Variants in TEPSIN observed in about 807,000 individuals in gnomAD.
TEPSIN encodes TEPSIN adaptor related protein complex 4 accessory protein, also known as AP-4 complex accessory subunit tepsin.
In TEPSIN, 50 loss-of-function variants were observed where a neutral mutation model predicts 48.5. The ratio of observed to expected loss-of-function variants is 1.03; its 90% confidence interval spans 0.82 to 1.31. The LOEUF is 1.31. Ranked by LOEUF, TEPSIN falls within the 50% of genes most tolerant of loss-of-function variation. The pLI is 0.00. For missense variants in TEPSIN, 838 were observed against 815.9 expected (o/e 1.03, Z -0.33); for synonymous variants, 392 against 358.8 (o/e 1.09, Z -1.05).
In TEPSIN at chr17:81,232,513, C is replaced by G. The variant is rs1285114212; in HGVS notation, c.532G>C (p.Ala178Pro). 2 of 1,530,528 alleles carry G rather than the reference C, an allele frequency of 1.3e-6. No individual in the cohort carries two copies. The highest frequency in any genetic ancestry group is 1.7e-6 in the Non-Finnish European group (2 of 1,144,104). 94.8% of individuals were successfully genotyped at this position (1,530,528 alleles called of 1,614,324 possible). A position where few individuals can be genotyped will look rare whatever the true frequency, so the allele number is the denominator to read the frequency against. Residue 178 changes from alanine (A) to proline (P), a missense_variant, in exon 8 of 13, where the codon GCA becomes CCA. Transcript: ENST00000637944. The stretch of plus-strand genomic sequence containing the variant: ...ATGGTGGAGAGGAAGGCTTCGCCTG[C>G]CGAGCCTGTACCCGAGGAGAGGGAG... ...YSKEHGRTGS[A>P]GEAFLSTIQK...
rs1308818897 is a variant in TEPSIN, at chr17:81,228,910, C to A, written c.*18G>T. ...AGACAGCAGCTGAAGCTGAAGACTC[C>A]AGGGCCAGGCCATCGGGTCAGGCGT... On this transcript the variant is annotated 3_prime_UTR_variant, in exon 13 of 13. Transcript: ENST00000637944. 1.6e-5 allele frequency: 26 copies of A among 1,611,984 alleles called. No individual in the cohort carries two copies. The highest frequency in any genetic ancestry group is 2.0e-5 in the Non-Finnish European group (24 of 1,179,918).
intron 1 of TEPSIN, 88 bp downstream of exon 1, chr17:81,238,898 C>A: frequency 1.5e-6 from 2 of 1,376,702 alleles, no homozygotes; most frequent in South Asian, 1.6e-5. Flanking sequence ...GACGCAAGGT[C>A]AATGGCTCCG....
In TEPSIN at chr17:81,228,529, G is replaced by C. The variant is rs1048775; in HGVS notation, c.*399C>G. ...GCACCAAACCCAGCCTCAGCACCTA[G>C]CCCACCCCGATGGGACGGGGGAGCA... is the stretch of plus-strand genomic sequence containing the variant. On this transcript the variant is annotated 3_prime_UTR_variant, in exon 13 of 13. Coordinates refer to ENST00000637944, the MANE Select transcript of TEPSIN (RefSeq NM_001363764.2). The C allele has an allele frequency of 0.47, 141,200 of 297,540 alleles. 36,664 individuals are homozygous for C. Among genetic ancestry groups the C allele is most frequent in the East Asian group, 0.71 (5,094 of 7,176 alleles). The allele number at this position is 297,540 out of a possible 1,614,324, so 18.4% of individuals were successfully genotyped here. A position where few individuals can be genotyped will look rare whatever the true frequency, so the allele number is the denominator to read the frequency against.
At chr17:81,236,841 C>G in intron 3 of TEPSIN, 40 bp from the exon 4 acceptor site, 1 of 1,549,012 alleles carries the variant, frequency 6.5e-7, no homozygotes, top group Non-Finnish European at 8.7e-7. Context: ...GCAGGCCGGA[C>G]ACGGGACACC....
Position 81,230,757 on chromosome 17 carries a change from C to T in TEPSIN, c.1099-79G>A, listed in dbSNP as rs2062578980. On this transcript the variant is annotated intron_variant, in intron 11 of 12. Coordinates refer to ENST00000637944, the MANE Select transcript of TEPSIN (RefSeq NM_001363764.2). This position sits in a 1 kb window ranked among gnomAD's most constrained non-coding sequence, Gnocchi z 4.2. Reference sequence around the variant, plus strand: ...GGGAGGCCTATTTGGCCATCTCTCTCCCTCTTCTTCCTCCTCATCAATGAC... The same window carrying T: ...GGGAGGCCTATTTGGCCATCTCTCTTCCTCTTCTTCCTCCTCATCAATGAC... 1 of 1,435,924 alleles carries T rather than the reference C, an allele frequency of 7.0e-7. No homozygotes were observed. The highest frequency in any genetic ancestry group is 2.9e-5 in the Admixed American group (1 of 34,648). 88.9% of individuals were successfully genotyped at this position (1,435,924 alleles called of 1,614,324 possible). A position where few individuals can be genotyped will look rare whatever the true frequency, so the allele number is the denominator to read the frequency against.
rs2146857789 is a variant in TEPSIN, at chr17:81,238,543, AC to A, written c.48+442del. On this transcript the variant is annotated intron_variant, in intron 1 of 12. Coordinates refer to ENST00000637944, the MANE Select transcript of TEPSIN (RefSeq NM_001363764.2). ...GTGCGTCCTTCTCTGTCCCTTCGAGACGTCTGTGTTCTCTGCAACCCAGGGG... is the reference window on the plus strand; with the variant it reads ...GTGCGTCCTTCTCTGTCCCTTCGAGAGTCTGTGTTCTCTGCAACCCAGGGG... The A allele has an allele frequency of 1.1e-5, 10 of 895,338 alleles. No individual in the cohort carries two copies. In the South Asian group the frequency reaches 4.0e-4, roughly 36 times the overall value. The allele number at this position is 895,338 out of a possible 1,614,324, so 55.5% of individuals were successfully genotyped here.
At chr17:81,238,776 G>T (rs968121100) in intron 1 of TEPSIN, 8 of 1,313,314 alleles carry the variant, frequency 6.1e-6, no homozygotes, top group Non-Finnish European at 7.7e-6. Flanking sequence ...CTTGCGCTCG[G>T]CGGGTCCGGC....
intron 3 of TEPSIN, 78 bp downstream of exon 3, chr17:81,236,902 G>T: frequency 6.5e-7 from 1 of 1,531,760 alleles, no homozygotes; most frequent in South Asian, 1.2e-5. Flanking sequence ...CTGCCACCCT[G>T]GGCCGCTCGT....
In TEPSIN at chr17:81,231,854, C is replaced by G. The variant is rs1251180122; in HGVS notation, c.898G>C (p.Ala300Pro). Residue 300 changes from alanine to proline, a missense_variant, in exon 9 of 13, where the codon GCA (alanine) becomes CCA (proline). Transcript: ENST00000637944. ...SGASREPGDL[A>P]ERVEVVALSD... ...CTGGCAGCTCCCGCTCACCTTTCTGCCAGGTCACCCGGCTCCCGGCTGGCC... is the reference window on the plus strand; with the variant it reads ...CTGGCAGCTCCCGCTCACCTTTCTGGCAGGTCACCCGGCTCCCGGCTGGCC... 1.2e-6 allele frequency: 2 copies of G among 1,613,116 alleles called. No homozygotes were observed. The highest frequency in any genetic ancestry group is 2.7e-5 in the African/African-American group (2 of 74,922).
intron 4 of TEPSIN, among the ~76,000 whole-genome samples, chr17:81,235,693 C>G (rs543721939): frequency 1.3e-5 from 2 of 152,252 alleles, no homozygotes; most frequent in South Asian, 4.2e-4. Context: ...CCGGGGCCCT[C>G]TGGCCCGCTG....
rs952689338 is a variant in TEPSIN, at chr17:81,234,150, G to C, written c.308-102C>G. On this transcript the variant is annotated intron_variant, in intron 4 of 12. Coordinates refer to ENST00000637944, the MANE Select transcript of TEPSIN (RefSeq NM_001363764.2). This position sits in a 1 kb window ranked among gnomAD's most constrained non-coding sequence, Gnocchi z 5.4. ...GCCCACTCCAGGGTGGCAAGTTCCTGCCACCAAGGCCCTTCTGTCACAGCC... is the reference window on the plus strand; with the variant it reads ...GCCCACTCCAGGGTGGCAAGTTCCTCCCACCAAGGCCCTTCTGTCACAGCC... 1 of 1,022,726 alleles carries C rather than the reference G, an allele frequency of 9.8e-7. No homozygotes were observed. Among genetic ancestry groups the C allele is most frequent in the African/African-American group, 1.7e-5 (1 of 60,002 alleles). 63.4% of individuals were successfully genotyped at this position (1,022,726 alleles called of 1,614,324 possible).
Position 81,230,666 on chromosome 17 carries a change from C to T in TEPSIN, c.1111G>A (p.Ala371Thr), listed in dbSNP as rs1567901239. 4 of 1,561,208 alleles carry T rather than the reference C, an allele frequency of 2.6e-6. No individual in the cohort carries two copies. The highest frequency in any genetic ancestry group is 3.5e-6 in the Non-Finnish European group (4 of 1,151,908). ...SECTQLRALC[A>T]IASLGSSDLL... ...TCGCTGCTCCCCAGGGAGGCGATGGCACACAGCGCCCTCTGCGGGTGAAGG... is the reference window on the plus strand; with the variant it reads ...TCGCTGCTCCCCAGGGAGGCGATGGTACACAGCGCCCTCTGCGGGTGAAGG... Residue 371 changes from alanine to threonine, a missense_variant, in exon 12 of 13, where the codon GCC becomes ACC. Physicochemically the swap from Ala to Thr is moderately conservative, Grantham distance 58 (BLOSUM62 0). Transcript: ENST00000637944. The surrounding 1 kb of genome is among the most constrained non-coding windows in gnomAD (Gnocchi z 4.2).
chr17:81,232,198 G>A (rs1248991243), intron 8 of TEPSIN, 117 bp downstream of exon 8: 3 of 1,326,270 alleles, frequency 2.3e-6, no homozygotes, highest in Admixed American at 2.7e-5. Flanking sequence ...TCCGCCGCGG[G>A]TCCCACCCCT....
intron 1 of TEPSIN, chr17:81,238,074 A>G (rs1274157520): frequency 3.0e-6 from 3 of 989,482 alleles, no homozygotes; most frequent in East Asian, 1.1e-4. Context: ...GTATCAGGAC[A>G]GAATAGAGTT....
At chr17:81,238,235 C>A in intron 1 of TEPSIN, 1 of 939,614 alleles carries the variant, frequency 1.1e-6, no homozygotes, top group Non-Finnish European at 1.3e-6. Context: ...CACTGTTTGC[C>A]CACCACGCCC....
intron 1 of TEPSIN, chr17:81,237,685 TG>T (rs965908779): frequency 1.0e-5 from 6 of 598,778 alleles, no homozygotes; most frequent in African/African-American, 7.5e-5. Context: ...AAATCAATGG[TG>T]GTTCTCCACG....
chr17:81,232,076 C>G, intron 8 of TEPSIN, 55 bp from the exon 9 acceptor site: 2 of 1,569,490 alleles, frequency 1.3e-6, no homozygotes. Context: ...CAGCCCCATG[C>G]CCACCTCCCG....
chr17:81,234,726 A>G lies in TEPSIN; in HGVS notation c.308-678T>C, dbSNP rs2146844129. Among the ~76,000 whole-genome samples the G allele has an allele frequency of 1.3e-5, 2 of 152,098 alleles. No homozygotes were observed. The highest frequency in any genetic ancestry group is 3.4e-3 in the Middle Eastern group (1 of 294). On this transcript the variant is annotated intron_variant, in intron 4 of 12. Transcript: ENST00000637944. This position sits in a 1 kb window ranked among gnomAD's most constrained non-coding sequence, Gnocchi z 5.4. ...GATGCTCCTGGCTGTCCCTGGGCCC[A>G]GGGCTGGCGGCCACAAGCTGAGTCA...
chr17:81,235,893 CATAAA>C (rs1256965848), intron 4 of TEPSIN, among the ~76,000 whole-genome samples: 1 of 152,222 alleles, frequency 6.6e-6, no homozygotes, highest in African/African-American at 2.4e-5. Flanking sequence ...GCCCACTTGC[CATAAA>C]GTGGGACAAC....
Sources: allele counts gnomAD v4.1 joint callset (sites outside exome capture counted in the v4.1 genomes callset), GRCh38; gene constraint gnomAD v4.1.1; non-coding constraint Gnocchi (gnomAD v3.1); transcripts MANE v1.5; gene names NCBI Gene and HGNC (gene_info 2026-07-23, HGNC 2026-07-21).